The following WAC variants were observed in gnomAD, a reference collection of about 807,000 sequenced individuals.
WAC encodes the protein WW domain containing adaptor with coiled-coil, also known as WW domain-containing adapter protein with coiled-coil.
A neutral mutation model predicts 79.6 loss-of-function variants in WAC; 11 were observed. The ratio of observed to expected loss-of-function variants is 0.14; its 90% confidence interval spans 0.09 to 0.23. The LOEUF (loss-of-function observed/expected upper bound fraction) is 0.23, where lower values mean the gene tolerates loss of function less well. WAC is among the 10% of genes least tolerant of loss of function. The pLI, the probability that WAC is intolerant of heterozygous loss-of-function variation, is 1.00. For synonymous variants in WAC, 304 were observed against 276.9 expected (o/e 1.10, Z -0.97); for missense variants, 728 against 773.5 (o/e 0.94, Z 0.70).
intron 3 of WAC, among the ~76,000 whole-genome samples, chr10:28,583,131 G>A (rs1402662293): frequency 6.6e-6 from 1 of 152,022 alleles, no homozygotes; most frequent in Non-Finnish European, 1.5e-5. Flanking sequence ...ATAAAGATAA[G>A]GTTTTGTTTC....
intron 3 of WAC, among the ~76,000 whole-genome samples, chr10:28,567,168 T>A (rs1427714080): frequency 6.6e-6 from 1 of 151,994 alleles, no homozygotes; most frequent in Non-Finnish European, 1.5e-5. Flanking sequence ...TTCCTTAAGT[T>A]CCTCTAAATT....
At chr10:28,581,238 CTT>C (rs71391053) in intron 3 of WAC, among the ~76,000 whole-genome samples, 1,591 of 65,914 alleles carry the variant, frequency 0.024, 6 homozygotes, top group Non-Finnish European at 0.036. Context: ...ATGAGCGATT[CTT>C]TTTTTTTTTT....
chr10:28,594,618 T>G (rs1840260081), intron 6 of WAC, among the ~76,000 whole-genome samples: 1 of 152,200 alleles, frequency 6.6e-6, no homozygotes, highest in African/African-American at 2.4e-5. Flanking sequence ...GTAGTGGTTG[T>G]GTACTGACAG....
chr10:28,570,222 C>T (rs542508707), intron 3 of WAC, among the ~76,000 whole-genome samples: 1 of 152,264 alleles, frequency 6.6e-6, no homozygotes, highest in East Asian at 1.9e-4. Flanking sequence ...TTATTTTGTA[C>T]AGATAATAGA....
rs763745550 is a variant in WAC at position 28,608,135 on chromosome 10, C to G, written c.920-51C>G. ...GAGAGGTGTTCCTTTGATGTTTGTTCCAATTTTCTCTATTCAGGTAATTTT... is the reference window on the plus strand; with the variant it reads ...GAGAGGTGTTCCTTTGATGTTTGTTGCAATTTTCTCTATTCAGGTAATTTT... On this transcript the variant is annotated intron_variant, in intron 7 of 13. Coordinates refer to ENST00000354911, the MANE Select transcript of WAC (RefSeq NM_016628.5). 6.9e-6 allele frequency: 11 copies of G among 1,602,750 alleles called. No homozygotes were observed. In the African/African-American group the frequency reaches 1.2e-4, roughly 18 times the overall value.
intron 4 of WAC, among the ~76,000 whole-genome samples, chr10:28,584,671 G>A (rs894363833): frequency 1.3e-5 from 2 of 152,234 alleles, no homozygotes; most frequent in Non-Finnish European, 2.9e-5. Flanking sequence ...CTTAATTGAC[G>A]TTGAAAGACC....
intron 3 of WAC, among the ~76,000 whole-genome samples, chr10:28,561,225 G>A (rs1355939910): frequency 2.6e-5 from 4 of 152,088 alleles, no homozygotes; most frequent in African/African-American, 7.2e-5. Context: ...AATATTGATG[G>A]CCAAGTTACA....
chr10:28,562,241 G>A (rs1838339278), intron 3 of WAC, among the ~76,000 whole-genome samples: 1 of 152,022 alleles, frequency 6.6e-6, no homozygotes. Context: ...ATTTTTAGTA[G>A]AGACGGGGTT....
At chr10:28,613,782 G>A (rs1841354080) in intron 10 of WAC, among the ~76,000 whole-genome samples, 1 of 152,120 alleles carries the variant, frequency 6.6e-6, no homozygotes, top group South Asian at 2.1e-4. Flanking sequence ...CTGCCTTTGT[G>A]CCTCAATTTA....
intron 3 of WAC, among the ~76,000 whole-genome samples, chr10:28,537,303 G>A (rs1214988699): frequency 6.6e-6 from 1 of 152,172 alleles, no homozygotes; most frequent in East Asian, 1.9e-4. Flanking sequence ...ATAGTATTAT[G>A]TAAAGCCTGA....
intron 7 of WAC, among the ~76,000 whole-genome samples, chr10:28,607,345 C>T (rs749661845): frequency 6.6e-5 from 10 of 151,994 alleles, no homozygotes; most frequent in Non-Finnish European, 1.3e-4. Flanking sequence ...TGGCAGTGTT[C>T]TTTTTCTTCA....
chr10:28,617,347 C>T (rs1165269511), intron 12 of WAC, among the ~76,000 whole-genome samples: 1 of 152,196 alleles, frequency 6.6e-6, no homozygotes, highest in Non-Finnish European at 1.5e-5. Context: ...ATGACAATCT[C>T]TTTGGCTGAC....
At chr10:28,541,857 A>G (rs1837069921) in intron 3 of WAC, among the ~76,000 whole-genome samples, 1 of 152,128 alleles carries the variant, frequency 6.6e-6, no homozygotes, top group Non-Finnish European at 1.5e-5. Flanking sequence ...TGAATTCTGC[A>G]AGAGCCCCCT....
At chr10:28,612,185 G>C (rs1841273135) in intron 10 of WAC, among the ~76,000 whole-genome samples, 1 of 152,196 alleles carries the variant, frequency 6.6e-6, no homozygotes, top group South Asian at 2.1e-4. Flanking sequence ...GTGAGATAAA[G>C]AGGATATACT....
chr10:28,570,946 CTTTTTTTTTTTTT>C (rs139500035), intron 3 of WAC, among the ~76,000 whole-genome samples: 3 of 64,506 alleles, frequency 4.7e-5, no homozygotes, highest in African/African-American at 6.0e-5. Context: ...TAAAGATATA[CTTTTTTTTTTTTT>C]TTTTTTTTTT....
At chr10:28,540,603 G>C (rs1292788529) in intron 3 of WAC, among the ~76,000 whole-genome samples, 1 of 152,156 alleles carries the variant, frequency 6.6e-6, no homozygotes, top group Non-Finnish European at 1.5e-5. Context: ...CATATTTAAA[G>C]ACTTGTTTAC....
At chr10:28,538,810 G>A (rs182591344) in intron 3 of WAC, among the ~76,000 whole-genome samples, 1,716 of 147,560 alleles carry the variant, frequency 0.012, 13 homozygotes, top group Non-Finnish European at 0.016. Context: ...TTAACAGTGA[G>A]CTGTGGTTGT....
At chr10:28,573,577 G>C (rs1293038784) in intron 3 of WAC, among the ~76,000 whole-genome samples, 1 of 152,096 alleles carries the variant, frequency 6.6e-6, no homozygotes, top group African/African-American at 2.4e-5. Flanking sequence ...ATTCACAGTC[G>C]TGCACCACTT....
rs971251371 is a variant in WAC, at chr10:28,612,697, T to G, written c.1437+775T>G. Among the ~76,000 whole-genome samples the G allele has an allele frequency of 1.9e-3, 284 of 152,300 alleles. 2 individuals carry two copies. The highest frequency in any genetic ancestry group is 2.6e-3 in the Non-Finnish European group (175 of 68,026). On this transcript the variant is annotated intron_variant, in intron 10 of 13. Coordinates refer to ENST00000354911, the MANE Select transcript of WAC (RefSeq NM_016628.5). ...GTTGGTCAGCTTTTAAGTCTTCCCG[T>G]TTGTTCATCCCTTCCCTACCTTGGC... is the stretch of plus-strand genomic sequence containing the variant.
Sources: gnomAD v4.1 joint callset for allele counts (sites outside exome capture counted in the v4.1 genomes callset) on GRCh38, gnomAD v4.1.1 for gene constraint, MANE v1.5 for transcripts, NCBI Gene and HGNC (gene_info 2026-07-23, HGNC 2026-07-21) for gene names.